The following ANKRD28 variants were observed in gnomAD, a reference collection of about 807,000 sequenced individuals.
ANKRD28 encodes serine/threonine-protein phosphatase 6 regulatory ankyrin repeat subunit A.
In ANKRD28, 44 loss-of-function variants were observed where a neutral mutation model predicts 126.5. The observed-to-expected ratio is 0.35, with a 90% confidence interval of 0.27 to 0.45. ANKRD28 has a LOEUF of 0.45. ANKRD28 is among the 20% of genes least tolerant of loss of function. The pLI is 1.00. For synonymous variants in ANKRD28, 442 were observed against 468.5 expected (o/e 0.94, Z 0.73); for missense variants, 1,110 against 1,316.6 (o/e 0.84, Z 2.43).
In ANKRD28 at chr3:15,797,196, CA is replaced by C. The variant is rs199629506; in HGVS notation, c.-676del. ...ATTCTTTCAGTGTTTGGGAAAGGGG[CA>C]AAAAACAAAAACAAAAAAAAAAAAA... On this transcript the variant is annotated 5_prime_UTR_variant, in exon 1 of 28. An upstream open reading frame in the 5' UTR loses its in-frame stop. Coordinates refer to ENST00000683139, the MANE Select transcript of ANKRD28 (RefSeq NM_001349278.2). The C allele has an allele frequency of 1.9e-4, 115 of 605,230 alleles. No individual in the cohort carries two copies. The African/African-American group carries it at 2.3e-3, about 12-fold the overall frequency. 37.5% of individuals were successfully genotyped at this position (605,230 alleles called of 1,614,324 possible).
At position 15,714,658 on chromosome 3, in the gene ANKRD28, T is replaced by TG. The variant is rs756256663; in HGVS notation, c.997-3dup. On this transcript the variant is annotated splice_polypyrimidine_tract_variant and splice_region_variant and intron_variant, in intron 8 of 27. Coordinates refer to ENST00000683139, the MANE Select transcript of ANKRD28 (RefSeq NM_001349278.2). ...TAGTGGGGTTTTCCCATCTTTACTC[T>TG]GGGGGGGGAAGAAAAAAATTACTCA... 1,515 of 1,570,046 alleles carry TG rather than the reference T, an allele frequency of 9.6e-4. 1 individual carries two copies. The highest frequency in any genetic ancestry group is 9.2e-4 in the South Asian group (77 of 83,488).
Position 15,708,050 on chromosome 3 carries a change from T to C in ANKRD28, c.1421A>G (p.Tyr474Cys), listed in dbSNP as rs767161861. The change falls in exon 14 of 28, where the codon TAC becomes TGC. Residue 474 changes from tyrosine (Y) to cysteine (C), a missense_variant. Coordinates refer to ENST00000683139, the MANE Select transcript of ANKRD28 (RefSeq NM_001349278.2). ...KDKFGRSPLH[Y>C]AAANCNYQCL... ...CTGGTAATTGCAGTTGGCAGCAGCG[T>C]AGTGCAGTGGAGATCTTTTGGGTCC... The C allele has an allele frequency of 6.2e-7, 1 of 1,606,026 alleles. No individual in the cohort carries two copies. Among genetic ancestry groups the C allele is most frequent in the Non-Finnish European group, 8.5e-7 (1 of 1,176,246 alleles).
In ANKRD28 at chr3:15,812,554, A is replaced by T. The variant is rs1020335265; in HGVS notation, c.28-17248T>A. Among the ~76,000 whole-genome samples, 3 of 152,366 alleles carry T rather than the reference A, an allele frequency of 2.0e-5. No individual in the cohort carries two copies. The highest frequency in any genetic ancestry group is 4.4e-5 in the Non-Finnish European group (3 of 68,032). On this transcript the variant is annotated intron_variant, in intron 1 of 27. Coordinates refer to the ANKRD28 transcript ENST00000399451. The surrounding 1 kb of genome is among the most constrained non-coding windows in gnomAD (Gnocchi z 4.1). ...ATCTGCTATTTGTTACCATTTTCTT[A>T]ATCAAATTTTACTATATTAAGTTGG...
At chr3:15,711,418 G>A in intron 11 of ANKRD28, 144 bp from the exon 12 acceptor site, 2 of 603,430 alleles carry the variant, frequency 3.3e-6, no homozygotes, top group South Asian at 2.5e-5. Context: ...CTGTTTAAAA[G>A]GCAATAGGAT....
At chr3:15,705,248 T>C (rs1454904065) in intron 14 of ANKRD28, among the ~76,000 whole-genome samples, 1 of 152,210 alleles carries the variant, frequency 6.6e-6, no homozygotes. Flanking sequence ...TACCCTTCTA[T>C]AGGAAAAGTA....
At position 15,796,666 on chromosome 3, in the gene ANKRD28, T is replaced by C. The variant is rs549189686; in HGVS notation, c.-145A>G. The C allele has an allele frequency of 1.0e-6, 1 of 970,906 alleles. No individual in the cohort carries two copies. The highest frequency in any genetic ancestry group is 1.2e-6 in the Non-Finnish European group (1 of 807,922). 60.1% of individuals were successfully genotyped at this position (970,906 alleles called of 1,614,324 possible). A position where few individuals can be genotyped will look rare whatever the true frequency, so the allele number is the denominator to read the frequency against. On this transcript the variant is annotated 5_prime_UTR_variant, in exon 1 of 28. Transcript: ENST00000683139. ...GGGTTTTTTTTTTTTTTAAAGTTAA[T>C]AAGTACTACTGGAAAAACAAGTTTA...
At chr3:15,689,977 G>T in intron 18 of ANKRD28, 42 bp downstream of exon 18, 2 of 1,497,162 alleles carry the variant, frequency 1.3e-6, no homozygotes, top group Non-Finnish European at 1.8e-6. Context: ...AAAAAGTATT[G>T]GATAGAAGTT....
At chr3:15,790,301 A>AT (rs2059969063) in intron 2 of ANKRD28, among the ~76,000 whole-genome samples, 1 of 152,128 alleles carries the variant, frequency 6.6e-6, no homozygotes, top group African/African-American at 2.4e-5. Context: ...CAAGGCCAGT[A>AT]TTACCCTGAT....
At chr3:15,710,649 A>C (rs2072142958) in intron 12 of ANKRD28, among the ~76,000 whole-genome samples, 1 of 152,226 alleles carries the variant, frequency 6.6e-6, no homozygotes, top group African/African-American at 2.4e-5. Flanking sequence ...AATTATCAGA[A>C]GCATTAGATA....
At chr3:15,807,644 C>T (rs1490666225) in intron 1 of ANKRD28, among the ~76,000 whole-genome samples, 1 of 152,118 alleles carries the variant, frequency 6.6e-6, no homozygotes, top group Non-Finnish European at 1.5e-5. Flanking sequence ...AGCAATGAAA[C>T]TAGAATACCT....
intron 2 of ANKRD28, among the ~76,000 whole-genome samples, chr3:15,772,272 G>T (rs1024232992): frequency 1.7e-4 from 26 of 152,026 alleles, no homozygotes; most frequent in Non-Finnish European, 1.2e-4. Flanking sequence ...TCTTTGAAAA[G>T]ATCAATATAA....
chr3:15,783,312 A>C (rs1308285182), intron 2 of ANKRD28, among the ~76,000 whole-genome samples: 3 of 152,064 alleles, frequency 2.0e-5, no homozygotes, highest in African/African-American at 7.2e-5. Flanking sequence ...AATACAAATT[A>C]AGACCAAATT....
At chr3:15,748,471 A>G (rs1263698105) in intron 4 of ANKRD28, among the ~76,000 whole-genome samples, 2 of 152,170 alleles carry the variant, frequency 1.3e-5, no homozygotes, top group East Asian at 3.8e-4. Flanking sequence ...ACTGGGTACA[A>G]AATTTTTGGC....
In ANKRD28 at chr3:15,846,850, A is replaced by T. The variant is rs1380658944; in HGVS notation, c.27+12527T>A. Among the ~76,000 whole-genome samples, 1 of 152,184 alleles carries T rather than the reference A, an allele frequency of 6.6e-6. No individual in the cohort carries two copies. Among genetic ancestry groups the T allele is most frequent in the African/African-American group, 2.4e-5 (1 of 41,446 alleles). On this transcript the variant is annotated intron_variant, in intron 1 of 27. Transcript: ENST00000399451. This position sits in a 1 kb window ranked among gnomAD's most constrained non-coding sequence, Gnocchi z 5.4. ...AGCCAGCAGGTGGAAAAGAAAGACAATCTTTCAAGGGAGGTTTCTATTTGC... is the reference window on the plus strand; with the variant it reads ...AGCCAGCAGGTGGAAAAGAAAGACATTCTTTCAAGGGAGGTTTCTATTTGC...
chr3:15,698,239 T>G (rs1217068414), intron 14 of ANKRD28, among the ~76,000 whole-genome samples: 1 of 152,144 alleles, frequency 6.6e-6, no homozygotes, highest in Non-Finnish European at 1.5e-5. Context: ...GGAATGTATC[T>G]CAAAATAGTA....
At chr3:15,847,679 T>C (rs2061556968) in intron 1 of ANKRD28, among the ~76,000 whole-genome samples, 1 of 152,200 alleles carries the variant, frequency 6.6e-6, no homozygotes, top group African/African-American at 2.4e-5. Context: ...TATCAAGTCC[T>C]ATCAATTTTA....
intron 2 of ANKRD28, among the ~76,000 whole-genome samples, chr3:15,777,271 CAAAAA>C (rs148444429): frequency 9.0e-6 from 1 of 111,640 alleles, no homozygotes; most frequent in Non-Finnish European, 1.9e-5. Context: ...GACTCCGTCT[CAAAAA>C]AAAAAAAAAA....
At chr3:15,807,768 T>G (rs112067154) in intron 1 of ANKRD28, among the ~76,000 whole-genome samples, 7 of 152,306 alleles carry the variant, frequency 4.6e-5, no homozygotes, top group African/African-American at 1.7e-4. Context: ...CTTTAAAATA[T>G]TTGAAGTACT....
intron 8 of ANKRD28, 53 bp downstream of exon 8, chr3:15,720,862 T>C: frequency 1.3e-6 from 2 of 1,505,982 alleles, no homozygotes; most frequent in Non-Finnish European, 1.8e-6. Context: ...ACCATTGATG[T>C]TGTTTTAACA....
Sources: allele counts gnomAD v4.1 joint callset (sites outside exome capture counted in the v4.1 genomes callset), GRCh38; gene constraint gnomAD v4.1.1; non-coding constraint Gnocchi (gnomAD v3.1); transcripts MANE v1.5; gene names NCBI Gene and HGNC (gene_info 2026-07-23, HGNC 2026-07-21).